The following DNAH9 variants were observed in gnomAD, a reference collection of about 807,000 sequenced individuals.
DNAH9 encodes the protein DNAH9 variant protein.
A neutral mutation model predicts 471.6 loss-of-function variants in DNAH9; 345 were observed. That is an observed-to-expected ratio of 0.73 (90% CI 0.67 to 0.80). The LOEUF (loss-of-function observed/expected upper bound fraction) is 0.80, where lower values mean the gene tolerates loss of function less well. DNAH9 is among the 30% of genes least tolerant of loss of function. The pLI is 0.00. For synonymous variants in DNAH9, 2,093 were observed against 2,123.6 expected, an observed-to-expected ratio of 0.99 and a Z score of 0.40; for missense variants, 5,407 against 5,609.2, an observed-to-expected ratio of 0.96 and a Z score of 1.15.
rs1597527679 is a variant in DNAH9 at position 11,714,389 on chromosome 17, T to C, written c.5553-4945T>C. On this transcript the variant is annotated intron_variant, in intron 26 of 68. Coordinates refer to ENST00000262442, the MANE Select transcript of DNAH9 (RefSeq NM_001372.4). ...TTCTATCGTCTATCTAGTAATTATT[T>C]CTTAATTCAAGTTATGAGTGAAGAC... Among the ~76,000 whole-genome samples, 10 of 152,324 alleles carry C rather than the reference T, an allele frequency of 6.6e-5. No homozygotes were observed. In the Middle Eastern group the frequency reaches 0.02, roughly 311 times the overall value.
intron 35 of DNAH9, among the ~76,000 whole-genome samples, chr17:11,759,214 A>G (rs1437342106): frequency 1.3e-5 from 2 of 151,082 alleles, no homozygotes; most frequent in African/African-American, 4.9e-5. Flanking sequence ...CCTTTAGTGT[A>G]GCCACCACCT....
Position 11,875,022 on chromosome 17 carries a change from A to G in DNAH9, c.10316A>G (p.Gln3439Arg), listed in dbSNP as rs1972421067. 8 of 1,614,168 alleles carry G rather than the reference A, an allele frequency of 5.0e-6. No individual in the cohort carries two copies. The highest frequency in any genetic ancestry group is 5.1e-6 in the Non-Finnish European group (6 of 1,180,020). Residue 3439 changes from glutamine (Q) to arginine (R), a missense_variant, in exon 53 of 69, where the codon CAG becomes CGG. Around this residue, in one of 3 missense-constraint regions of DNAH9, gnomAD observed 4,636 missense variants for 4,900.3 expected, o/e 0.95. Coordinates refer to ENST00000262442, the MANE Select transcript of DNAH9 (RefSeq NM_001372.4). ...LMDDADVAAW[Q>R]NEGLPADRMS... ...GATGATGCTGACGTGGCTGCCTGGC[A>G]GAACGAGGGCCTCCCAGCCGACCGC... is the stretch of plus-strand genomic sequence containing the variant.
At chr17:11,696,701 A>T (rs1435499511) in intron 22 of DNAH9, among the ~76,000 whole-genome samples, 5 of 152,212 alleles carry the variant, frequency 3.3e-5, no homozygotes, top group Non-Finnish European at 7.3e-5. Context: ...CCTGATAGTT[A>T]TAGCAGTTCT....
rs1310326899 is a variant in DNAH9 at position 11,834,633 on chromosome 17, T to C, written c.9247-5T>C. On this transcript the variant is annotated splice_region_variant and splice_polypyrimidine_tract_variant and intron_variant, in intron 48 of 68. Coordinates refer to ENST00000262442, the MANE Select transcript of DNAH9 (RefSeq NM_001372.4). ...CCTGATAAGTCCCGTGCTTCTCCAATGCAGGTGGATGATCTGAAAGCAAAG... is the reference window on the plus strand; with the variant it reads ...CCTGATAAGTCCCGTGCTTCTCCAACGCAGGTGGATGATCTGAAAGCAAAG... 2.5e-6 allele frequency: 4 copies of C among 1,613,878 alleles called. No individual in the cohort carries two copies. Among genetic ancestry groups the C allele is most frequent in the Non-Finnish European group, 3.4e-6 (4 of 1,179,986 alleles).
At position 11,769,184 on chromosome 17, in the gene DNAH9, G is replaced by C; in HGVS notation, c.7407G>C (p.Ala2469=). The change falls in exon 38 of 69, where the codon GCG becomes GCC. Residue 2469 remains alanine, a synonymous_variant. Transcript: ENST00000262442. The part of the protein sequence containing the change: ...RVCYFMERLM[A]RQRPVMLVGT... ...GCTACTTCATGGAGCGGTTGATGGC[G>C]CGGCAGCGGCCTGTCATGCTGGTGG... 2.5e-6 allele frequency: 4 copies of C among 1,614,186 alleles called. No homozygotes were observed. Among genetic ancestry groups the C allele is most frequent in the Non-Finnish European group, 3.4e-6 (4 of 1,180,042 alleles).
chr17:11,894,457 C>T lies in DNAH9; in HGVS notation c.11367C>T (p.Pro3789=), dbSNP rs374317319. 510 of 1,614,148 alleles carry T rather than the reference C, an allele frequency of 3.2e-4. 1 individual carries two copies. Among genetic ancestry groups the T allele is most frequent in the Non-Finnish European group, 3.9e-4 (461 of 1,180,012 alleles). Residue 3789 remains proline (P), a synonymous_variant, in exon 59 of 69, where the codon CCC becomes CCT. Coordinates refer to ENST00000262442, the MANE Select transcript of DNAH9 (RefSeq NM_001372.4). ...CAGTGCAGACGGGCACCGCCAGCCC[C>T]GTGGAGTTCCTCTCCCATCAGGCGT... is the stretch of plus-strand genomic sequence containing the variant. The part of the protein sequence containing the change: ...RSPVQTGTAS[P]VEFLSHQAWG...
In DNAH9 at chr17:11,867,671, T is replaced by C. The variant is rs183816341; in HGVS notation, c.9934-1463T>C. ...ATCTAAGCCTGCATTAAATCTCTTC[T>C]TGTCCTTTCATGTTTACAAGAGTAG... is the stretch of plus-strand genomic sequence containing the variant. On this transcript the variant is annotated intron_variant, in intron 50 of 68. Transcript: ENST00000262442. 3.3e-5 allele frequency among the ~76,000 whole-genome samples: 5 copies of C among 152,352 alleles called. No homozygotes were observed. The East Asian group carries it at 9.6e-4, about 29-fold the overall frequency.
intron 62 of DNAH9, among the ~76,000 whole-genome samples, chr17:11,928,667 A>G (rs1357438601): frequency 6.6e-6 from 1 of 152,242 alleles, no homozygotes; most frequent in African/African-American, 2.4e-5. Flanking sequence ...ATTAGAGTAG[A>G]GAGCCTTGTT....
At chr17:11,645,873 C>CT (rs1205010044) in intron 11 of DNAH9, among the ~76,000 whole-genome samples, 1 of 138,730 alleles carries the variant, frequency 7.2e-6, no homozygotes, top group African/African-American at 2.9e-5. Context: ...TTCTCTTTTT[C>CT]TTTTTCTTTT....
In DNAH9 at chr17:11,784,427, C is replaced by T. The variant is rs192123847; in HGVS notation, c.7949C>T (p.Pro2650Leu). ...FPASLQKSIP[P>L]LIDLALAFHQ... Reference sequence around the variant, plus strand: ...GCGTCCCTGCAGAAATCCATCCCCCCACTGATCGATCTGGCCCTCGCCTTC... The same window carrying T: ...GCGTCCCTGCAGAAATCCATCCCCCTACTGATCGATCTGGCCCTCGCCTTC... The change falls in exon 41 of 69, where the codon CCA becomes CTA. Residue 2650 changes from proline to leucine, a missense_variant. Around this residue, in one of 3 missense-constraint regions of DNAH9, gnomAD observed 4,636 missense variants for 4,900.3 expected, o/e 0.95. Coordinates refer to ENST00000262442, the MANE Select transcript of DNAH9 (RefSeq NM_001372.4). 3.3e-4 allele frequency: 536 copies of T among 1,614,216 alleles called. No homozygotes were observed. Among genetic ancestry groups the T allele is most frequent in the Non-Finnish European group, 4.3e-4 (511 of 1,180,040 alleles).
chr17:11,940,402 T>TAATTTA (rs1974864273), intron 66 of DNAH9, among the ~76,000 whole-genome samples: 1 of 152,244 alleles, frequency 6.6e-6, no homozygotes, highest in Non-Finnish European at 1.5e-5. Context: ...TTCGTCTCTT[T>TAATTTA]GTAAATAATG....
chr17:11,664,042 C>T (rs962354696), intron 14 of DNAH9, among the ~76,000 whole-genome samples: 3 of 152,154 alleles, frequency 2.0e-5, no homozygotes, highest in East Asian at 1.9e-4. Context: ...AGAAAAGTTA[C>T]GTCTGCAAGT....
At chr17:11,738,841 G>A in intron 28 of DNAH9, 39 bp from the exon 29 acceptor site, 1 of 1,597,770 alleles carries the variant, frequency 6.3e-7, no homozygotes, top group African/African-American at 1.3e-5. Flanking sequence ...CCACTAAAAG[G>A]CAATTGAGGA....
chr17:11,922,695 C>T (rs144316956), intron 61 of DNAH9, among the ~76,000 whole-genome samples: 9 of 152,150 alleles, frequency 5.9e-5, no homozygotes, highest in African/African-American at 2.2e-4. Flanking sequence ...CACTCTAATT[C>T]GTGCAAAATG....
intron 45 of DNAH9, among the ~76,000 whole-genome samples, chr17:11,812,853 TTTA>T (rs1969974878): frequency 6.6e-6 from 1 of 152,202 alleles, no homozygotes. Context: ...AGCCTCATCT[TTTA>T]TTATTTTACT....
chr17:11,888,149 AT>A (rs1045580016), intron 57 of DNAH9, among the ~76,000 whole-genome samples: 53 of 151,050 alleles, frequency 3.5e-4, no homozygotes, highest in Non-Finnish European at 2.2e-4. Context: ...CACCTGGCTA[AT>A]TTTTTTTGTA....
chr17:11,883,759 C>A lies in DNAH9; in HGVS notation c.10971+9C>A. 1 of 1,607,552 alleles carries A rather than the reference C, an allele frequency of 6.2e-7. No individual in the cohort carries two copies. Among genetic ancestry groups the A allele is most frequent in the African/African-American group, 1.4e-5 (1 of 70,840 alleles). ...CCGAAGTTGAGAAAAAGGTAAAACT[C>A]CTCTGGCTAGTCTGGGAAGGCAGCC... On this transcript the variant is annotated intron_variant, in intron 56 of 68. Transcript: ENST00000262442.
chr17:11,690,686 GAA>G (rs60154323), intron 20 of DNAH9, among the ~76,000 whole-genome samples: 7 of 145,876 alleles, frequency 4.8e-5, no homozygotes, highest in African/African-American at 1.2e-4. Context: ...ACCTCATTCA[GAA>G]AAAAAAAAAT....
At chr17:11,739,888 A>G (rs1390635200) in intron 29 of DNAH9, among the ~76,000 whole-genome samples, 1 of 152,180 alleles carries the variant, frequency 6.6e-6, no homozygotes, top group Non-Finnish European at 1.5e-5. Flanking sequence ...GTGGGGTGCT[A>G]TGACAAAACT....
Sources: gnomAD v4.1 joint callset for allele counts (sites outside exome capture counted in the v4.1 genomes callset) on GRCh38, gnomAD v4.1.1 for gene constraint, gnomAD v4.1.1 regional missense constraint, MANE v1.5 for transcripts, NCBI Gene and HGNC (gene_info 2026-07-23, HGNC 2026-07-21) for gene names.